MAP3K13: variants seen among roughly 807,000 people sequenced by gnomAD.
MAP3K13 encodes the protein mitogen-activated protein kinase kinase kinase 13.
In MAP3K13, 52 loss-of-function variants were observed where a neutral mutation model predicts 104.0. The observed-to-expected ratio is 0.50, with a 90% CI of 0.40 to 0.63. The LOEUF (loss-of-function observed/expected upper bound fraction) is 0.63, where lower values mean the gene tolerates loss of function less well. Ranked by LOEUF, MAP3K13 falls within the 20% of genes least tolerant of loss-of-function variation. The probability of loss-of-function intolerance (pLI) is 0.00; values close to 1 mark genes in which losing one functional copy is unlikely to be tolerated. For synonymous variants in MAP3K13, 394 were observed against 442.2 expected, an observed-to-expected ratio of 0.89 and a Z score of 1.37; for missense variants, 914 against 1,218.5, an observed-to-expected ratio of 0.75 and a Z score of 3.72.
chr3:185,394,333 T>C (rs146403020), intron 1 of MAP3K13, among the ~76,000 whole-genome samples: 1 of 152,328 alleles, frequency 6.6e-6, no homozygotes, highest in Non-Finnish European at 1.5e-5. Flanking sequence ...ACCTGCTTGC[T>C]TGGAGTAGAA....
In MAP3K13 at chr3:185,423,320, C is replaced by A. The variant is rs1714240711; in HGVS notation, c.-85-5177C>A. 6.6e-6 allele frequency among the ~76,000 whole-genome samples: 1 copy of A among 152,170 alleles called. No homozygotes were observed. Among genetic ancestry groups the A allele is most frequent in the African/African-American group, 2.4e-5 (1 of 41,438 alleles). ...TGGGGACTGCTGCTGTATAGGATAA[C>A]CAAGAGTCCTGGCAGCCAAGGCAGA... On this transcript the variant is annotated intron_variant, in intron 1 of 13. Coordinates refer to ENST00000265026, the MANE Select transcript of MAP3K13 (RefSeq NM_004721.5). The surrounding 1 kb of genome is among the most constrained non-coding windows in gnomAD (Gnocchi z 4.1).
chr3:185,302,760 T>C (rs1291775285), intron 2 of MAP3K13, among the ~76,000 whole-genome samples: 2 of 152,238 alleles, frequency 1.3e-5, no homozygotes, highest in African/African-American at 4.8e-5. Flanking sequence ...TTTCTACATA[T>C]ATAATCAAGC....
intron 2 of MAP3K13, among the ~76,000 whole-genome samples, chr3:185,434,046 T>A (rs1297466688): frequency 6.6e-6 from 1 of 152,160 alleles, no homozygotes; most frequent in Non-Finnish European, 1.5e-5. Context: ...AAGTAAAGAT[T>A]AAATTTTTAA....
rs144915835 is a variant in MAP3K13, at chr3:185,418,523, G to A, written c.-85-9974G>A. On this transcript the variant is annotated intron_variant, in intron 1 of 13. Coordinates refer to ENST00000265026, the MANE Select transcript of MAP3K13 (RefSeq NM_004721.5). This position sits in a 1 kb window ranked among gnomAD's most constrained non-coding sequence, Gnocchi z 4.5. ...TTTCCAAAAGCACCCTGGCCAGAGC[G>A]GTGAGTCCCACCACCTCGAACTCTG... The A allele has an allele frequency of 1.4e-4, 219 of 1,612,072 alleles. 1 individual carries two copies. The African/African-American group carries it at 2.4e-3, about 18-fold the overall frequency.
intron 1 of MAP3K13, among the ~76,000 whole-genome samples, chr3:185,401,881 A>G (rs1712834987): frequency 6.6e-6 from 1 of 152,152 alleles, no homozygotes; most frequent in African/African-American, 2.4e-5. Context: ...TTGGTAGATT[A>G]TTAAAGCTTA....
At chr3:185,470,986 G>T (rs1280519609) in intron 10 of MAP3K13, among the ~76,000 whole-genome samples, 1 of 152,116 alleles carries the variant, frequency 6.6e-6, no homozygotes, top group African/African-American at 2.4e-5. Context: ...AAAAATGGAT[G>T]CCCTTTAAAG....
rs200160425 is a variant in MAP3K13, at chr3:185,440,032, T to C, written c.659+2402T>C. Among the ~76,000 whole-genome samples the C allele has an allele frequency of 2.8e-4, 42 of 152,346 alleles. No homozygotes were observed. In the East Asian group the frequency reaches 7.9e-3, roughly 29 times the overall value. On this transcript the variant is annotated intron_variant, in intron 3 of 13. Transcript: ENST00000265026. Reference sequence around the variant, plus strand: ...GAATGATTAGATTTTAGTACATCTCTCTGGATACTGATTTCTGTGCTTACA... The same window carrying C: ...GAATGATTAGATTTTAGTACATCTCCCTGGATACTGATTTCTGTGCTTACA...
chr3:185,471,642 T>C (rs1315550509), intron 10 of MAP3K13, among the ~76,000 whole-genome samples: 1 of 151,686 alleles, frequency 6.6e-6, no homozygotes, highest in South Asian at 2.1e-4. Context: ...ATATTTCTAG[T>C]AGAAATGGGG....
intron 2 of MAP3K13, among the ~76,000 whole-genome samples, chr3:185,432,470 A>G (rs1339833337): frequency 6.6e-6 from 1 of 151,968 alleles, no homozygotes; most frequent in African/African-American, 2.4e-5. Flanking sequence ...GATTACAGGC[A>G]TGAGCCACCA....
intron 1 of MAP3K13, among the ~76,000 whole-genome samples, chr3:185,365,687 C>T (rs1319463332): frequency 6.6e-6 from 1 of 152,064 alleles, no homozygotes; most frequent in East Asian, 1.9e-4. Context: ...AAAAATCACA[C>T]CCTTGCTCTG....
At position 185,480,513 on chromosome 3, in the gene MAP3K13, AG is replaced by A; in HGVS notation, c.2785del (p.Glu929AsnfsTer49). ...TQMSLGKLCV[E>X]ERGYENPMQF... ...ATGTCTCTGGGCAAGCTGTGTGTGG[AG>A]GAACGTGGCTATGAGGTGGGGGCTT... On this transcript the variant is annotated frameshift_variant, in exon 13 of 14. Transcript: ENST00000265026. LOFTEE classifies it high-confidence loss of function. 1 of 1,613,338 alleles carries A rather than the reference AG, an allele frequency of 6.2e-7. No individual in the cohort carries two copies. Among genetic ancestry groups the A allele is most frequent in the Non-Finnish European group, 8.5e-7 (1 of 1,179,448 alleles).
intron 1 of MAP3K13, among the ~76,000 whole-genome samples, chr3:185,422,157 G>A (rs1414981755): frequency 1.3e-5 from 2 of 152,190 alleles, no homozygotes; most frequent in African/African-American, 4.8e-5. Context: ...CTTGGGAATA[G>A]TTTTAGTGCA....
At chr3:185,417,727 A>C in intron 1 of MAP3K13, 3 of 1,612,550 alleles carry the variant, frequency 1.9e-6, no homozygotes, top group Non-Finnish European at 2.5e-6. Flanking sequence ...TGCCTTATCC[A>C]CCCGGAGCTT....
intron 1 of MAP3K13, among the ~76,000 whole-genome samples, chr3:185,415,573 A>ATTTTTTTTTTTTTT (rs34633048): frequency 8.4e-6 from 1 of 119,452 alleles, no homozygotes; most frequent in Non-Finnish European, 1.7e-5. Flanking sequence ...AGAAGGGTTA[A>ATTTTTTTTTTTTTT]TTTCTTTTTT....
rs143727434 is a variant in MAP3K13, at chr3:185,476,226, G to A, written c.2431-1100G>A. 4.1e-3 allele frequency among the ~76,000 whole-genome samples: 618 copies of A among 151,860 alleles called. 6 individuals are homozygous for A. Among genetic ancestry groups the A allele is most frequent in the African/African-American group, 0.015 (601 of 41,396 alleles). Reference sequence around the variant, plus strand: ...CATAGAACACACACCTTGTACATTTGGCTTCATTGGAACCTCACTCCCACA... The same window carrying A: ...CATAGAACACACACCTTGTACATTTAGCTTCATTGGAACCTCACTCCCACA... On this transcript the variant is annotated intron_variant, in intron 11 of 13. Transcript: ENST00000265026.
At position 185,418,935 on chromosome 3, in the gene MAP3K13, A is replaced by G. The variant is rs1713964930; in HGVS notation, c.-85-9562A>G. Among the ~76,000 whole-genome samples, 1 of 152,230 alleles carries G rather than the reference A, an allele frequency of 6.6e-6. No homozygotes were observed. Among genetic ancestry groups the G allele is most frequent in the African/African-American group, 2.4e-5 (1 of 41,466 alleles). On this transcript the variant is annotated intron_variant, in intron 1 of 13. Transcript: ENST00000265026. This position sits in a 1 kb window ranked among gnomAD's most constrained non-coding sequence, Gnocchi z 4.5. Reference sequence around the variant, plus strand: ...TGTGAATCTCATTAGTAGAAAAGGTAAAAACAAAATAGGAGTCATTAACTT... The same window carrying G: ...TGTGAATCTCATTAGTAGAAAAGGTGAAAACAAAATAGGAGTCATTAACTT...
intron 1 of MAP3K13, among the ~76,000 whole-genome samples, chr3:185,384,336 G>GTGTT (rs779559634): frequency 6.6e-6 from 1 of 151,768 alleles, no homozygotes; most frequent in Non-Finnish European, 1.5e-5. Flanking sequence ...GTGTGTGTGT[G>GTGTT]TGAGACACAT....
intron 8 of MAP3K13, among the ~76,000 whole-genome samples, chr3:185,464,202 C>T (rs1717276754): frequency 6.6e-6 from 1 of 152,184 alleles, no homozygotes; most frequent in Non-Finnish European, 1.5e-5. Context: ...GCATGAGAAT[C>T]ACGTGAACCC....
intron 2 of MAP3K13, among the ~76,000 whole-genome samples, chr3:185,287,736 A>G (rs1390762425): frequency 6.6e-6 from 1 of 152,180 alleles, no homozygotes; most frequent in Admixed American, 6.5e-5. Context: ...CTAGGGGTTG[A>G]GTCATGATTA....
Sources: allele counts gnomAD v4.1 joint callset (sites outside exome capture counted in the v4.1 genomes callset), GRCh38; gene constraint gnomAD v4.1.1; non-coding constraint Gnocchi (gnomAD v3.1); transcripts MANE v1.5; gene names NCBI Gene and HGNC (gene_info 2026-07-23, HGNC 2026-07-21).